TTC7B: variants seen among roughly 807,000 people sequenced by gnomAD.
TTC7B encodes tetratricopeptide repeat protein 7B.
Under a neutral mutation model 106.8 loss-of-function variants are expected in TTC7B, and 28 were observed. The ratio of observed to expected loss-of-function variants is 0.26; its 90% CI spans 0.19 to 0.36. The LOEUF (loss-of-function observed/expected upper bound fraction) is 0.36, where lower values mean the gene tolerates loss of function less well. Ranked by LOEUF, TTC7B falls within the 10% of genes least tolerant of loss-of-function variation. TTC7B has a pLI of 1.00. For synonymous variants in TTC7B, 405 were observed against 430.6 expected (o/e 0.94, Z 0.74); for missense variants, 862 against 1,076.4 (o/e 0.80, Z 2.79).
intron 5 of TTC7B, among the ~76,000 whole-genome samples, chr14:90,717,847 T>C (rs1190090574): frequency 2.0e-5 from 3 of 152,138 alleles, no homozygotes; most frequent in Non-Finnish European, 4.4e-5. Context: ...GGGTGCATGC[T>C]TCCCCCTCCT....
chr14:90,751,578 TTTTTTA>T (rs1890138284), intron 3 of TTC7B, among the ~76,000 whole-genome samples: 5 of 151,682 alleles, frequency 3.3e-5, no homozygotes, highest in South Asian at 2.1e-4. Context: ...TTTTATTTAT[TTTTTTA>T]TTTTTTATTT....
chr14:90,679,309 C>T (rs1002321818), intron 8 of TTC7B, among the ~76,000 whole-genome samples: 5 of 152,224 alleles, frequency 3.3e-5, no homozygotes, highest in Non-Finnish European at 7.3e-5. Context: ...GCTGCCCTCT[C>T]ATGAGTTCTG....
At position 90,655,067 on chromosome 14, in the gene TTC7B, C is replaced by T. The variant is rs1321225885; in HGVS notation, c.1385G>A (p.Gly462Glu). The T allele has an allele frequency of 1.2e-6, 2 of 1,614,162 alleles. No individual in the cohort carries two copies. The highest frequency in any genetic ancestry group is 1.7e-6 in the Non-Finnish European group (2 of 1,180,012). The change falls in exon 12 of 20, where the codon GGA becomes GAA. Residue 462 changes from glycine (G) to glutamate (E), a missense_variant. By Grantham distance (98) the Gly-to-Glu change is moderately conservative. Coordinates refer to ENST00000328459, the MANE Select transcript of TTC7B (RefSeq NM_001010854.2). Reference sequence around the variant, plus strand: ...GGCCTTGAACTCTGACGTTTTCTCTCCCACATCAACGACAGTTTTGGCAAA... The same window carrying T: ...GGCCTTGAACTCTGACGTTTTCTCTTCCACATCAACGACAGTTTTGGCAAA... ...EKFAKTVVDV[G>E]EKTSEFKAKG...
chr14:90,767,195 G>A (rs1307061340), intron 3 of TTC7B, among the ~76,000 whole-genome samples: 1 of 152,088 alleles, frequency 6.6e-6, no homozygotes, highest in Non-Finnish European at 1.5e-5. Flanking sequence ...TTCAATCCTG[G>A]GTGACAGAGC....
At chr14:90,634,325 G>A (rs1884834992) in intron 15 of TTC7B, among the ~76,000 whole-genome samples, 1 of 152,034 alleles carries the variant, frequency 6.6e-6, no homozygotes, top group African/African-American at 2.4e-5. Context: ...ATTAAGAGGA[G>A]CAACAAAACG....
intron 1 of TTC7B, among the ~76,000 whole-genome samples, chr14:90,797,778 C>T (rs186150979): frequency 6.6e-6 from 1 of 152,336 alleles, no homozygotes; most frequent in African/African-American, 2.4e-5. Context: ...ATGTTTACTA[C>T]ATACAGCCCT....
chr14:90,623,919 G>A (rs1323397311), intron 15 of TTC7B, among the ~76,000 whole-genome samples: 1 of 152,214 alleles, frequency 6.6e-6, no homozygotes, highest in African/African-American at 2.4e-5. Flanking sequence ...TACTCAGGAG[G>A]CTGAGGCAGA....
intron 3 of TTC7B, among the ~76,000 whole-genome samples, chr14:90,769,406 A>T (rs1478162246): frequency 3.3e-5 from 5 of 152,240 alleles, no homozygotes; most frequent in Non-Finnish European, 5.9e-5. Context: ...ACATGATCCA[A>T]CTATATGCCG....
intron 5 of TTC7B, among the ~76,000 whole-genome samples, chr14:90,723,622 C>T (rs1423701669): frequency 2.0e-5 from 3 of 152,146 alleles, no homozygotes; most frequent in African/African-American, 7.2e-5. Flanking sequence ...TGGTTAGTTC[C>T]TTCTCACCCT....
intron 17 of TTC7B, among the ~76,000 whole-genome samples, chr14:90,594,828 G>A (rs568980850): frequency 6.6e-6 from 1 of 152,140 alleles, no homozygotes; most frequent in East Asian, 1.9e-4. Context: ...GAGTATTCAC[G>A]GCAATAGATG....
chr14:90,668,871 C>CA (rs1886522409), intron 9 of TTC7B, among the ~76,000 whole-genome samples: 1 of 136,466 alleles, frequency 7.3e-6, no homozygotes, highest in Non-Finnish European at 1.5e-5. Context: ...ATGGAAAAGC[C>CA]AATCCTCAAA....
rs1206852174 is a variant in TTC7B at position 90,531,039 on chromosome 14, T to G, written c.*10329A>C. ...CTGTTAATAGATACAGGATATAAAA[T>G]GATATAATTTTAATATTAATAGCTG... On this transcript the variant is annotated 3_prime_UTR_variant, in exon 20 of 20. Transcript: ENST00000328459. 1 of 152,192 alleles carries G rather than the reference T, an allele frequency of 6.6e-6. No individual in the cohort carries two copies. Among genetic ancestry groups the G allele is most frequent in the Non-Finnish European group, 1.5e-5 (1 of 68,044 alleles). 9.4% of individuals were successfully genotyped at this position (152,192 alleles called of 1,614,324 possible).
intron 3 of TTC7B, among the ~76,000 whole-genome samples, chr14:90,769,434 A>C (rs1299305018): frequency 1.3e-5 from 2 of 152,188 alleles, no homozygotes; most frequent in Non-Finnish European, 1.5e-5. Flanking sequence ...GAAACTCTAG[A>C]TCCACAGACA....
rs928614297 is a variant in TTC7B at position 90,676,504 on chromosome 14, C to T, written c.1152+19G>A. On this transcript the variant is annotated intron_variant, in intron 9 of 19. Coordinates refer to ENST00000328459, the MANE Select transcript of TTC7B (RefSeq NM_001010854.2). ...CTGCCACCCACCACCTGGATGTCAA[C>T]CAGACTCAGCAGCTGTACCTCTGAC... 5 of 1,612,112 alleles carry T rather than the reference C, an allele frequency of 3.1e-6. No individual in the cohort carries two copies. Among genetic ancestry groups the T allele is most frequent in the Middle Eastern group, 1.7e-4 (1 of 6,046 alleles).
intron 7 of TTC7B, among the ~76,000 whole-genome samples, chr14:90,688,236 T>A (rs1463439859): frequency 6.6e-6 from 1 of 152,198 alleles, no homozygotes; most frequent in African/African-American, 2.4e-5. Context: ...ATGCCTGTAA[T>A]CCCAACACTT....
At chr14:90,647,795 T>C (rs1424587365) in intron 13 of TTC7B, among the ~76,000 whole-genome samples, 1 of 152,166 alleles carries the variant, frequency 6.6e-6, no homozygotes, top group East Asian at 1.9e-4. Context: ...CTAGACATAA[T>C]TCTGTGTTTA....
chr14:90,643,949 G>C, intron 15 of TTC7B, 99 bp downstream of exon 15: 5 of 1,362,242 alleles, frequency 3.7e-6, no homozygotes. Context: ...GACTGCCAGG[G>C]TGTCCATGAG....
In TTC7B at chr14:90,780,791, G is replaced by A; in HGVS notation, c.392C>T (p.Thr131Ile). The A allele has an allele frequency of 6.2e-7, 1 of 1,614,288 alleles. No homozygotes were observed. Among genetic ancestry groups the A allele is most frequent in the Non-Finnish European group, 8.5e-7 (1 of 1,180,048 alleles). The change falls in exon 3 of 20, where the codon ACA becomes ATA. Residue 131 changes from threonine to isoleucine, a missense_variant. Physicochemically the swap from Thr to Ile is moderately conservative, Grantham distance 89. Transcript: ENST00000328459. ...CCGCAGCCTGTAGGGCGGGACAGCTGTCAGTGGCAGATCGTCCAGGCCCAC... is the reference window on the plus strand; with the variant it reads ...CCGCAGCCTGTAGGGCGGGACAGCTATCAGTGGCAGATCGTCCAGGCCCAC... Reference protein sequence around the residue: ...ARVGLDDLPLTAVPPYRLRVI... With the variant: ...ARVGLDDLPLIAVPPYRLRVI...
chr14:90,611,734 C>T (rs186318121), intron 16 of TTC7B, among the ~76,000 whole-genome samples: 3 of 152,308 alleles, frequency 2.0e-5, no homozygotes, highest in Admixed American at 2.0e-4. Context: ...ACACGGAAAC[C>T]ACAGCGGGCC....
Sources: allele counts gnomAD v4.1 joint callset (sites outside exome capture counted in the v4.1 genomes callset), GRCh38; gene constraint gnomAD v4.1.1; transcripts MANE v1.5; gene names NCBI Gene and HGNC (gene_info 2026-07-23, HGNC 2026-07-21).